The following CCDC171 variants were observed in gnomAD, a reference collection of about 807,000 sequenced individuals.
The protein encoded by CCDC171 is coiled-coil domain-containing protein 171.
In CCDC171, 177 loss-of-function variants were observed where a neutral mutation model predicts 168.2. That is an observed-to-expected ratio of 1.05 (90% CI 0.93 to 1.19). CCDC171 has a LOEUF of 1.19. CCDC171 is among the 50% of genes most tolerant of loss of function. CCDC171 has a pLI of 0.00. For missense variants in CCDC171, 1,991 were observed against 1,539.0 expected (o/e 1.29, Z -4.91); for synonymous variants, 687 against 540.8 (o/e 1.27, Z -3.75).
chr9:15,553,918 CTTTAT>C (rs752854107), intron 1 of CCDC171, among the ~76,000 whole-genome samples: 17 of 151,200 alleles, frequency 1.1e-4, no homozygotes, highest in Admixed American at 9.9e-4. Flanking sequence ...ATAAATACGT[CTTTAT>C]TTTGTTTATT....
intron 6 of CCDC171, among the ~76,000 whole-genome samples, chr9:15,605,754 C>G (rs773099523): frequency 1.1e-4 from 16 of 151,796 alleles, no homozygotes; most frequent in Non-Finnish European, 2.1e-4. Context: ...AAGGGTCTTG[C>G]CCCTTTCACC....
chr9:15,603,792 G>C (rs2043034523), intron 6 of CCDC171, among the ~76,000 whole-genome samples: 1 of 152,114 alleles, frequency 6.6e-6, no homozygotes, highest in Admixed American at 6.5e-5. Flanking sequence ...TGGGTCAAAT[G>C]GTATTTCTGG....
At chr9:16,059,433 AC>A (rs1833894186) in intron 1 of CCDC171, among the ~76,000 whole-genome samples, 1 of 148,536 alleles carries the variant, frequency 6.7e-6, no homozygotes, top group Non-Finnish European at 1.5e-5. Flanking sequence ...TGCAAACGGC[AC>A]CTCAAGGGGG....
intron 23 of CCDC171, among the ~76,000 whole-genome samples, chr9:15,849,967 G>T (rs1449956149): frequency 3.3e-5 from 5 of 151,648 alleles, no homozygotes; most frequent in Non-Finnish European, 5.9e-5. Flanking sequence ...AATAATCTGA[G>T]TGCTATTTCC....
downstream of CCDC171, among the ~76,000 whole-genome samples, chr9:15,976,534 G>A (rs1237282263): frequency 1.3e-4 from 20 of 151,872 alleles, no homozygotes; most frequent in Admixed American, 1.2e-3. Context: ...TACTTTAAAT[G>A]ATTGTTTTTA....
At chr9:15,640,200 G>C (rs1194447400) in intron 7 of CCDC171, among the ~76,000 whole-genome samples, 6 of 151,986 alleles carry the variant, frequency 3.9e-5, no homozygotes, top group South Asian at 2.1e-4. Flanking sequence ...AAAATGTTTG[G>C]ACTTCTATGA....
At chr9:16,009,148 C>T (rs1192177764) in intron 3 of CCDC171, among the ~76,000 whole-genome samples, 1 of 152,162 alleles carries the variant, frequency 6.6e-6, no homozygotes, top group African/African-American at 2.4e-5. Context: ...CTCTTTATCT[C>T]TCTCTGCTGC....
chr9:16,069,497 G>T, the CCDC171 span, among the ~76,000 whole-genome samples: 1 of 152,258 alleles, frequency 6.6e-6, no homozygotes, highest in Non-Finnish European at 1.5e-5. Flanking sequence ...GGGTGAGAAG[G>T]AGGAGCAGAT....
At chr9:15,905,974 A>G (rs1199377997) in intron 24 of CCDC171, among the ~76,000 whole-genome samples, 1 of 152,238 alleles carries the variant, frequency 6.6e-6, no homozygotes, top group Non-Finnish European at 1.5e-5. Context: ...CTAAACCAGG[A>G]AGAAGCTGAA....
chr9:15,572,197 A>G (rs1161180722), intron 3 of CCDC171, among the ~76,000 whole-genome samples: 1 of 152,122 alleles, frequency 6.6e-6, no homozygotes, highest in Non-Finnish European at 1.5e-5. Context: ...TTTTATTAGT[A>G]TGTATGTGTG....
intron 3 of CCDC171, among the ~76,000 whole-genome samples, chr9:16,004,367 G>T (rs1165164855): frequency 1.3e-5 from 2 of 152,140 alleles, no homozygotes; most frequent in African/African-American, 4.8e-5. Context: ...TGACTTACAT[G>T]CTCTTGAGAA....
intron 19 of CCDC171, 92 bp downstream of exon 19, chr9:15,777,918 A>C (rs928323713): frequency 1.2e-6 from 1 of 801,312 alleles, no homozygotes; most frequent in East Asian, 2.8e-5. Flanking sequence ...TTAGTTGTAC[A>C]TGAATGTATC....
At chr9:15,788,562 A>T (rs532030746) in intron 21 of CCDC171, among the ~76,000 whole-genome samples, 7 of 151,452 alleles carry the variant, frequency 4.6e-5, no homozygotes, top group African/African-American at 1.4e-4. Context: ...ACATTTTGGG[A>T]ATTTTGTTTT....
At chr9:15,773,604 A>G (rs898909225) in intron 18 of CCDC171, among the ~76,000 whole-genome samples, 5 of 152,350 alleles carry the variant, frequency 3.3e-5, no homozygotes, top group East Asian at 3.9e-4. Flanking sequence ...CCAAACATTT[A>G]CAACAGTCTA....
chr9:15,971,960 G>A lies in CCDC171; in HGVS notation c.*124G>A, dbSNP rs1020523136. The A allele has an allele frequency of 2.0e-5, 16 of 792,422 alleles. No individual in the cohort carries two copies. The highest frequency in any genetic ancestry group is 1.0e-4 in the South Asian group (6 of 58,042). 49.1% of individuals were successfully genotyped at this position (792,422 alleles called of 1,614,324 possible). A position where few individuals can be genotyped will look rare whatever the true frequency, so the allele number is the denominator to read the frequency against. On this transcript the variant is annotated 3_prime_UTR_variant, in exon 26 of 26. Transcript: ENST00000380701. The stretch of plus-strand genomic sequence containing the variant: ...GGCAGTGGATTTAAAAAATTTGTGC[G>A]CTATCTTGATGTATTCTGGTAGCTC...
downstream of CCDC171, among the ~76,000 whole-genome samples, chr9:15,978,859 A>G (rs939372321): frequency 2.6e-5 from 4 of 152,164 alleles, no homozygotes; most frequent in African/African-American, 9.7e-5. Flanking sequence ...GTATTACCCC[A>G]AAGAGGAGCT....
intron 3 of CCDC171, among the ~76,000 whole-genome samples, chr9:16,010,705 A>G (rs754623129): frequency 3.1e-4 from 47 of 151,784 alleles, no homozygotes; most frequent in Admixed American, 5.3e-4. Context: ...CAACTGCAAG[A>G]TAATAGTGTA....
downstream of CCDC171, among the ~76,000 whole-genome samples, chr9:16,064,377 G>C (rs1436540220): frequency 6.6e-6 from 1 of 152,158 alleles, no homozygotes; most frequent in Non-Finnish European, 1.5e-5. Context: ...GAGAGAGAAG[G>C]TGAGGGGGTG....
chr9:15,755,611 A>C (rs2056058779), intron 18 of CCDC171, among the ~76,000 whole-genome samples: 1 of 152,234 alleles, frequency 6.6e-6, no homozygotes, highest in Admixed American at 6.5e-5. Flanking sequence ...AAATATTATT[A>C]GTTCATAAAA....
Sources: gnomAD v4.1 joint callset for allele counts (sites outside exome capture counted in the v4.1 genomes callset) on GRCh38, gnomAD v4.1.1 for gene constraint, MANE v1.5 for transcripts, NCBI Gene and HGNC (gene_info 2026-07-23, HGNC 2026-07-21) for gene names.